KIAA1217: variants seen among roughly 807,000 people sequenced by gnomAD.
The protein encoded by KIAA1217 is sickle tail protein homolog.
A neutral mutation model predicts 163.9 loss-of-function variants in KIAA1217; 88 were observed. That is an observed-to-expected ratio of 0.54 (90% CI 0.45 to 0.64). The LOEUF (loss-of-function observed/expected upper bound fraction) is 0.64, where lower values mean the gene tolerates loss of function less well. Ranked by LOEUF, KIAA1217 falls within the 30% of genes least tolerant of loss-of-function variation. The pLI, the probability that KIAA1217 is intolerant of heterozygous loss-of-function variation, is 0.00. For missense variants in KIAA1217, 2,372 were observed against 2,475.0 expected (o/e 0.96, Z 0.88); for synonymous variants, 903 against 923.1 (o/e 0.98, Z 0.39).
intron 9 of KIAA1217, among the ~76,000 whole-genome samples, chr10:24,507,660 A>C (rs990481668): frequency 6.6e-6 from 1 of 152,234 alleles, no homozygotes; most frequent in Non-Finnish European, 1.5e-5. Flanking sequence ...AATATTAATA[A>C]AAGATGAAGT....
At chr10:24,502,038 C>A (rs888533297) in intron 9 of KIAA1217, among the ~76,000 whole-genome samples, 6 of 151,932 alleles carry the variant, frequency 3.9e-5, no homozygotes, top group Non-Finnish European at 8.8e-5. Flanking sequence ...CTTGAGCCAC[C>A]GCGTCTGGCC....
intron 2 of KIAA1217, among the ~76,000 whole-genome samples, chr10:24,309,225 G>A (rs1415427344): frequency 6.6e-6 from 1 of 151,848 alleles, no homozygotes; most frequent in African/African-American, 2.4e-5. Context: ...ATGAAATCCA[G>A]TTCTGAGGGT....
intron 1 of KIAA1217, among the ~76,000 whole-genome samples, chr10:23,753,593 A>G (rs1431322494): frequency 6.6e-6 from 1 of 152,212 alleles, no homozygotes; most frequent in African/African-American, 2.4e-5. Flanking sequence ...TTTTCAAAAC[A>G]TTTGGGAGTA....
At chr10:24,263,445 G>A (rs1016715998) in intron 2 of KIAA1217, among the ~76,000 whole-genome samples, 11 of 152,182 alleles carry the variant, frequency 7.2e-5, no homozygotes, top group African/African-American at 2.4e-4. Flanking sequence ...TCATCTGCCT[G>A]GGTTTCGTCC....
At chr10:23,887,679 C>A (rs1360445487) in intron 1 of KIAA1217, among the ~76,000 whole-genome samples, 1 of 151,516 alleles carries the variant, frequency 6.6e-6, no homozygotes, top group African/African-American at 2.4e-5. Context: ...GATGTGATTA[C>A]CCTTTGAAAG....
At chr10:23,711,713 A>T (rs1588643612) in intron 1 of KIAA1217, among the ~76,000 whole-genome samples, 1 of 152,192 alleles carries the variant, frequency 6.6e-6, no homozygotes, top group African/African-American at 2.4e-5. Flanking sequence ...AACCCTGTTC[A>T]CCAGGAAAGC....
chr10:24,444,615 C>T (rs187169186), intron 5 of KIAA1217, among the ~76,000 whole-genome samples: 47 of 152,270 alleles, frequency 3.1e-4, no homozygotes, highest in East Asian at 2.3e-3. Flanking sequence ...AAACAGGATG[C>T]GCTGAGTGTC....
intron 5 of KIAA1217, among the ~76,000 whole-genome samples, chr10:24,445,964 C>T (rs1338945241): frequency 6.6e-6 from 1 of 152,180 alleles, no homozygotes. Flanking sequence ...ACACCAACTT[C>T]CACAATGGTT....
intron 2 of KIAA1217, among the ~76,000 whole-genome samples, chr10:24,138,804 G>GT (rs2063937005): frequency 1.3e-5 from 2 of 152,050 alleles, no homozygotes; most frequent in Non-Finnish European, 2.9e-5. Context: ...TGTCTAAAAT[G>GT]TTTTTTGTTT....
At chr10:24,184,005 A>C (rs11013941) in intron 2 of KIAA1217, among the ~76,000 whole-genome samples, 2 of 152,206 alleles carry the variant, frequency 1.3e-5, no homozygotes, top group Non-Finnish European at 2.9e-5. Flanking sequence ...GCCCTCCCAA[A>C]GGACAATCAC....
At chr10:23,720,013 C>T (rs1837783363) in intron 1 of KIAA1217, among the ~76,000 whole-genome samples, 1 of 151,684 alleles carries the variant, frequency 6.6e-6, no homozygotes, top group Non-Finnish European at 1.5e-5. Flanking sequence ...TTGCCAGGGC[C>T]TGGGGAGAAG....
chr10:23,852,154 A>T (rs28893874), intron 1 of KIAA1217, among the ~76,000 whole-genome samples: 5 of 151,872 alleles, frequency 3.3e-5, no homozygotes, highest in Non-Finnish European at 5.9e-5. Flanking sequence ...TTAGGTCTAA[A>T]GTTTAAGTCT....
intron 2 of KIAA1217, among the ~76,000 whole-genome samples, chr10:24,241,541 G>A (rs1325783109): frequency 6.6e-6 from 1 of 152,108 alleles, no homozygotes; most frequent in Admixed American, 6.5e-5. Context: ...AGTAGAGTCG[G>A]ATTTTAATGT....
At chr10:24,439,909 A>C (rs2060349104) in intron 5 of KIAA1217, among the ~76,000 whole-genome samples, 1 of 152,180 alleles carries the variant, frequency 6.6e-6, no homozygotes, top group Admixed American at 6.6e-5. Flanking sequence ...TGATGTAGTC[A>C]CAGGTTGAGG....
At chr10:24,412,193 G>A (rs1445883082) in intron 3 of KIAA1217, among the ~76,000 whole-genome samples, 2 of 151,518 alleles carry the variant, frequency 1.3e-5, no homozygotes, top group Non-Finnish European at 2.9e-5. Context: ...AAAAAAAAGA[G>A]AAGAAATCTG....
upstream of KIAA1217, among the ~76,000 whole-genome samples, chr10:24,206,501 A>C (rs1269306728): frequency 6.6e-6 from 1 of 152,224 alleles, no homozygotes; most frequent in Admixed American, 6.5e-5. Flanking sequence ...ATTGTTAGGA[A>C]GGTCTCTGTG....
chr10:24,407,592 C>A (rs7895880), intron 3 of KIAA1217, among the ~76,000 whole-genome samples: 23,423 of 152,092 alleles, frequency 0.15, 3,818 homozygotes, highest in African/African-American at 0.41. Flanking sequence ...AGGGTGTGAG[C>A]CCCCACGCCC....
intron 1 of KIAA1217, among the ~76,000 whole-genome samples, chr10:23,869,122 T>C (rs1029232562): frequency 2.8e-5 from 4 of 140,764 alleles, no homozygotes; most frequent in South Asian, 2.2e-4. Flanking sequence ...TCATGAAATG[T>C]AGTTTTTTTT....
intron 1 of KIAA1217, among the ~76,000 whole-genome samples, chr10:23,724,245 C>G (rs563993413): frequency 6.6e-6 from 1 of 151,644 alleles, no homozygotes; most frequent in East Asian, 1.9e-4. Flanking sequence ...ACTATATCAC[C>G]TTGGTAACCC....
Sources: gnomAD v4.1 joint callset for allele counts (sites outside exome capture counted in the v4.1 genomes callset) on GRCh38, gnomAD v4.1.1 for gene constraint, MANE v1.5 for transcripts, NCBI Gene and HGNC (gene_info 2026-07-23, HGNC 2026-07-21) for gene names.